The following DGKH variants were observed in gnomAD, a reference collection of about 807,000 sequenced individuals.
DGKH encodes diacylglycerol kinase eta.
A neutral mutation model predicts 159.3 loss-of-function variants in DGKH; 90 were observed. That is an observed-to-expected ratio of 0.57 (90% CI 0.48 to 0.67). The LOEUF (loss-of-function observed/expected upper bound fraction) is 0.67, where lower values mean the gene tolerates loss of function less well. Ranked by LOEUF, DGKH falls within the 30% of genes least tolerant of loss-of-function variation. The pLI is 0.00. For synonymous variants in DGKH, 536 were observed against 553.8 expected, an observed-to-expected ratio of 0.97 and a Z score of 0.45; for missense variants, 1,181 against 1,506.1, an observed-to-expected ratio of 0.78 and a Z score of 3.57.
intron 1 of DGKH, among the ~76,000 whole-genome samples, chr13:42,112,837 G>T (rs185047761): frequency 3.0e-4 from 45 of 152,300 alleles, no homozygotes; most frequent in African/African-American, 1.0e-3. Context: ...GAGACAGTGC[G>T]GGGATGGACA....
At chr13:42,155,859 C>T in intron 5 of DGKH, 60 bp downstream of exon 5, 1 of 1,591,172 alleles carries the variant, frequency 6.3e-7, no homozygotes, top group South Asian at 1.1e-5. Flanking sequence ...GACATGCTGC[C>T]ACTGGTTTTA....
intron 3 of DGKH, among the ~76,000 whole-genome samples, chr13:42,154,958 T>C (rs1007758868): frequency 1.3e-5 from 2 of 152,194 alleles, no homozygotes; most frequent in African/African-American, 4.8e-5. Context: ...TTGAAAACTA[T>C]GTATTCCTGC....
Position 42,159,263 on chromosome 13 carries a change from T to TTTTTTTTTTTTTTTA in DGKH, c.623-3_623-2insTTTTTTTTTTTTTTA. The TTTTTTTTTTTTTTTA allele has an allele frequency of 1.6e-6, 2 of 1,249,720 alleles. No homozygotes were observed. Among genetic ancestry groups the TTTTTTTTTTTTTTTA allele is most frequent in the Non-Finnish European group, 2.2e-6 (2 of 894,574 alleles). 77.4% of individuals were successfully genotyped at this position (1,249,720 alleles called of 1,614,324 possible). A position where few individuals can be genotyped will look rare whatever the true frequency, so the allele number is the denominator to read the frequency against. The stretch of plus-strand genomic sequence containing the variant: ...GTTGCTCTTTTTTTTTTTTTTTTTT[T>TTTTTTTTTTTTTTTA]AGTGTGTAAATTCAAGGCTCACAAA... On this transcript the variant is annotated splice_polypyrimidine_tract_variant and splice_region_variant and intron_variant, in intron 5 of 29. Transcript: ENST00000337343.
downstream of DGKH, among the ~76,000 whole-genome samples, chr13:42,244,234 T>G (rs138952650): frequency 2.6e-4 from 40 of 152,152 alleles, no homozygotes; most frequent in African/African-American, 9.2e-4. Flanking sequence ...GCTGAAACCT[T>G]TGGAGAAGAT....
At chr13:42,256,173 A>C in intron 30 of DGKH, 1 of 1,206,034 alleles carries the variant, frequency 8.3e-7, no homozygotes, top group Non-Finnish European at 1.2e-6. Flanking sequence ...ATGGGGAATC[A>C]TGTTGCTGTA....
Position 42,214,791 on chromosome 13 carries a change from A to T in DGKH, c.3120+179A>T, listed in dbSNP as rs562265602. Among the ~76,000 whole-genome samples, 57 of 152,124 alleles carry T rather than the reference A, an allele frequency of 3.7e-4. 1 individual carries two copies. The highest frequency in any genetic ancestry group is 1.3e-3 in the African/African-American group (56 of 41,522). ...ATTTTCCTTTTCCTGTTATTTTTTCATTCCTGCTCTTAAATTCTCTCATTT... is the reference window on the plus strand; with the variant it reads ...ATTTTCCTTTTCCTGTTATTTTTTCTTTCCTGCTCTTAAATTCTCTCATTT... On this transcript the variant is annotated intron_variant, in intron 25 of 29. Transcript: ENST00000337343.
In DGKH at chr13:42,230,260, C is replaced by G. The variant is rs1281899264; in HGVS notation, c.*1072C>G. On this transcript the variant is annotated 3_prime_UTR_variant, in exon 30 of 30. Coordinates refer to ENST00000337343, the MANE Select transcript of DGKH (RefSeq NM_178009.5). Reference sequence around the variant, plus strand: ...GAGATTTATATACTGACAGATAACCCAGACTCACCCGCTCTCTACAGTGAC... The same window carrying G: ...GAGATTTATATACTGACAGATAACCGAGACTCACCCGCTCTCTACAGTGAC... 1 of 152,060 alleles carries G rather than the reference C, an allele frequency of 6.6e-6. No homozygotes were observed. Among genetic ancestry groups the G allele is most frequent in the Non-Finnish European group, 1.5e-5 (1 of 68,012 alleles). The allele number at this position is 152,060 out of a possible 1,614,324, so 9.4% of individuals were successfully genotyped here. A position where few individuals can be genotyped will look rare whatever the true frequency, so the allele number is the denominator to read the frequency against.
chr13:42,175,414 G>A (rs578062222), intron 12 of DGKH, among the ~76,000 whole-genome samples: 1 of 152,142 alleles, frequency 6.6e-6, no homozygotes, highest in Admixed American at 6.5e-5. Flanking sequence ...AGCATTTTTA[G>A]TTATGTGATT....
At position 42,070,713 on chromosome 13, in the gene DGKH, CTCTTCCAG is replaced by C. The variant is rs1300020563; in HGVS notation, c.192+21750_192+21757del. 5.0e-6 allele frequency: 8 copies of C among 1,610,404 alleles called. No individual in the cohort carries two copies. In the East Asian group the frequency reaches 8.9e-5, roughly 18 times the overall value. On this transcript the variant is annotated intron_variant, in intron 1 of 29. Transcript: ENST00000337343. ...GCTGATACATGAAAAGCCTGGCATG[CTCTTCCAG>C]TAAAGGGCCCTGCTCCAGCACTTTA...
rs577339520 is a variant in DGKH, at chr13:42,117,212, T to G, written c.193-10251T>G. The stretch of plus-strand genomic sequence containing the variant: ...CCATAACTCTGATTATAACTATTTC[T>G]TATATTTGTTACTAACTTTGTTATT... On this transcript the variant is annotated intron_variant, in intron 1 of 29. Coordinates refer to ENST00000337343, the MANE Select transcript of DGKH (RefSeq NM_178009.5). 4.7e-4 allele frequency among the ~76,000 whole-genome samples: 71 copies of G among 152,370 alleles called. 2 individuals are homozygous for G. In the South Asian group the frequency reaches 0.015, roughly 32 times the overall value.
intron 21 of DGKH, 119 bp downstream of exon 21, chr13:42,206,265 G>C (rs926389189): frequency 1.4e-5 from 7 of 496,006 alleles, no homozygotes; most frequent in Non-Finnish European, 2.3e-5. Flanking sequence ...TTTTGCATTG[G>C]GTAAGTGAGG....
rs905356585 is a variant in DGKH, at chr13:42,152,500, A to C, written c.385-2791A>C. ...ATGTATACACACACATACACACACAAACATATATATATTATATATATATAT... is the reference window on the plus strand; with the variant it reads ...ATGTATACACACACATACACACACACACATATATATATTATATATATATAT... On this transcript the variant is annotated intron_variant, in intron 3 of 29. Transcript: ENST00000337343. 4.7e-5 allele frequency among the ~76,000 whole-genome samples: 7 copies of C among 149,458 alleles called. No homozygotes were observed. The South Asian group carries it at 1.5e-3, about 32-fold the overall frequency.
At chr13:42,217,042 A>G (rs903935629) in intron 26 of DGKH, among the ~76,000 whole-genome samples, 16 of 152,194 alleles carry the variant, frequency 1.1e-4, no homozygotes, top group African/African-American at 3.6e-4. Flanking sequence ...ATTGTTAAAT[A>G]TGAATTTTGG....
intron 1 of DGKH, among the ~76,000 whole-genome samples, chr13:42,068,670 TCTTCA>T (rs1882753967): frequency 6.6e-6 from 1 of 152,186 alleles, no homozygotes; most frequent in Non-Finnish European, 1.5e-5. Context: ...GAGAGGATGG[TCTTCA>T]CTTGTCTTAG....
intron 1 of DGKH, among the ~76,000 whole-genome samples, chr13:42,106,588 A>T (rs970608262): frequency 6.6e-6 from 1 of 152,192 alleles, no homozygotes; most frequent in Non-Finnish European, 1.5e-5. Flanking sequence ...TGTGGGTAGG[A>T]TGAAGAAATA....
chr13:42,215,063 A>G (rs1312816827), intron 25 of DGKH, among the ~76,000 whole-genome samples: 3 of 152,058 alleles, frequency 2.0e-5, no homozygotes. Flanking sequence ...CTTCTGTAAA[A>G]TTTTTAATGT....
intron 1 of DGKH, among the ~76,000 whole-genome samples, chr13:42,059,920 T>TA (rs1566079855): frequency 7.8e-6 from 1 of 128,690 alleles, no homozygotes; most frequent in Non-Finnish European, 1.7e-5. Context: ...TTTTTTTTTT[T>TA]ATATATATAG....
intron 21 of DGKH, among the ~76,000 whole-genome samples, chr13:42,207,699 A>ATAT (rs946685086): frequency 2.9e-5 from 4 of 139,758 alleles, no homozygotes; most frequent in African/African-American, 7.7e-5. Flanking sequence ...AAGTGTGTAT[A>ATAT]TATATATATA....
intron 3 of DGKH, among the ~76,000 whole-genome samples, chr13:42,151,493 G>GTGTA (rs1955883039): frequency 8.9e-6 from 1 of 112,868 alleles, no homozygotes; most frequent in Admixed American, 9.8e-5. Flanking sequence ...GTGTGTGTGT[G>GTGTA]TGTGTGTGTG....
Sources: gnomAD v4.1 joint callset for allele counts (sites outside exome capture counted in the v4.1 genomes callset) on GRCh38, gnomAD v4.1.1 for gene constraint, MANE v1.5 for transcripts, NCBI Gene and HGNC (gene_info 2026-07-23, HGNC 2026-07-21) for gene names.